Variants in MSR1 observed in about 807,000 individuals in gnomAD.
The protein encoded by MSR1 is macrophage scavenger receptor 1.
A neutral mutation model predicts 47.2 loss-of-function variants in MSR1; 53 were observed. That is an observed-to-expected ratio of 1.12 (90% CI 0.90 to 1.41). The LOEUF is 1.41. Among genes scored for constraint, MSR1 ranks in the 40% most tolerant of loss-of-function variants. The pLI is 0.00. For synonymous variants in MSR1, 239 were observed against 185.6 expected, an observed-to-expected ratio of 1.29 and a Z score of -2.34; for missense variants, 786 against 546.9, an observed-to-expected ratio of 1.44 and a Z score of -4.36.
intron 5 of MSR1, among the ~76,000 whole-genome samples, chr8:16,155,466 G>C (rs901671760): frequency 2.4e-4 from 36 of 152,006 alleles, no homozygotes; most frequent in Non-Finnish European, 4.4e-4. Context: ...CATTAGTGTT[G>C]TACGCATCCT....
rs184987913 is a variant in MSR1 at position 16,115,544 on chromosome 8, T to C, written c.1222+4874A>G. ...ATCCAGTGAAGTAGATCATAAAACT[T>C]ACTTTTCAAATCATTTTCTTCAGAA... On this transcript the variant is annotated intron_variant, in intron 9 of 9. Transcript: ENST00000262101. Among the ~76,000 whole-genome samples, 44 of 152,328 alleles carry C rather than the reference T, an allele frequency of 2.9e-4. 1 individual carries two copies. Among genetic ancestry groups the C allele is most frequent in the Non-Finnish European group, 5.4e-4 (37 of 68,028 alleles).
At chr8:16,166,523 T>G (rs1801315937) in intron 4 of MSR1, among the ~76,000 whole-genome samples, 1 of 151,980 alleles carries the variant, frequency 6.6e-6, no homozygotes, top group African/African-American at 2.4e-5. Context: ...TTTGTCAAAT[T>G]TCAGTGGAAA....
In MSR1 at chr8:16,182,075, G is replaced by C. The variant is rs79538977; in HGVS notation, c.-4-4083C>G. Among the ~76,000 whole-genome samples, 602 of 152,264 alleles carry C rather than the reference G, an allele frequency of 4.0e-3. 25 individuals are homozygous for C. The East Asian group carries it at 0.098, about 25-fold the overall frequency. ...GCTGCTAGGCAACAAACCCACCCCA[G>C]GCTGTGTGGTCTAGCCTATTGCTCC... On this transcript the variant is annotated intron_variant, in intron 1 of 9. Coordinates refer to ENST00000262101, the MANE Select transcript of MSR1 (RefSeq NM_138715.3).
intron 8 of MSR1, chr8:16,139,769 AAAAAAATATATATATATATATAT>A (rs1248148363): frequency 1.9e-4 from 12 of 64,008 alleles, no homozygotes; most frequent in African/African-American, 1.0e-3. Flanking sequence ...AAAAAAAAAA[AAAAAAATATATATATATATATAT>A]ATATATATAT....
intron 1 of MSR1, among the ~76,000 whole-genome samples, chr8:16,187,055 C>A (rs554045350): frequency 6.6e-6 from 1 of 151,898 alleles, no homozygotes; most frequent in Non-Finnish European, 1.5e-5. Context: ...AATGCCTTCT[C>A]GTCTCACTCA....
chr8:16,177,680 T>C (rs923977902), intron 2 of MSR1, among the ~76,000 whole-genome samples: 2 of 152,170 alleles, frequency 1.3e-5, no homozygotes, highest in African/African-American at 4.8e-5. Context: ...GCTCAATCAA[T>C]GTTGTAGATT....
chr8:16,165,751 C>T (rs1801287291), intron 4 of MSR1, among the ~76,000 whole-genome samples: 1 of 152,046 alleles, frequency 6.6e-6, no homozygotes, highest in Non-Finnish European at 1.5e-5. Context: ...AGTGTAGGAC[C>T]TTCGAAAATA....
At chr8:16,115,581 G>A (rs961757766) in intron 9 of MSR1, among the ~76,000 whole-genome samples, 1 of 151,982 alleles carries the variant, frequency 6.6e-6, no homozygotes, top group African/African-American at 2.4e-5. Flanking sequence ...AAATAATGTT[G>A]GTTCTATTTT....
At chr8:16,147,498 T>G (rs548903435) in intron 7 of MSR1, among the ~76,000 whole-genome samples, 1 of 152,292 alleles carries the variant, frequency 6.6e-6, no homozygotes, top group South Asian at 2.1e-4. Flanking sequence ...TAGTCCAGGC[T>G]GTGAAAAAAT....
intron 2 of MSR1, among the ~76,000 whole-genome samples, chr8:16,176,193 A>G (rs775222981): frequency 1.3e-5 from 2 of 152,246 alleles, no homozygotes; most frequent in Non-Finnish European, 1.5e-5. Flanking sequence ...AGAAAATAAG[A>G]GACAGTTTTT....
chr8:16,126,129 C>A (rs1014382042), intron 8 of MSR1, among the ~76,000 whole-genome samples: 2 of 151,802 alleles, frequency 1.3e-5, no homozygotes, highest in Non-Finnish European at 2.9e-5. Flanking sequence ...ATACCTGAAC[C>A]CTGCACAAAT....
At chr8:16,119,163 T>C (rs1418457329) in intron 9 of MSR1, among the ~76,000 whole-genome samples, 1 of 152,140 alleles carries the variant, frequency 6.6e-6, no homozygotes, top group Non-Finnish European at 1.5e-5. Flanking sequence ...AATTAAATTA[T>C]CCTTCTGGGA....
At chr8:16,152,801 A>G (rs1377920626) in intron 6 of MSR1, among the ~76,000 whole-genome samples, 3 of 151,928 alleles carry the variant, frequency 2.0e-5, no homozygotes, top group African/African-American at 7.2e-5. Flanking sequence ...TTATATTACT[A>G]CTTATCATCC....
chr8:16,170,103 A>G (rs969661082), intron 3 of MSR1, among the ~76,000 whole-genome samples: 1 of 152,166 alleles, frequency 6.6e-6, no homozygotes, highest in African/African-American at 2.4e-5. Flanking sequence ...TAATCCCAGC[A>G]CTTTGGGAGG....
chr8:16,179,372 T>C (rs1342514234), intron 1 of MSR1, among the ~76,000 whole-genome samples: 3 of 152,164 alleles, frequency 2.0e-5, no homozygotes, highest in African/African-American at 7.2e-5. Flanking sequence ...TTTAAATCCA[T>C]TAGAGAACAT....
At chr8:16,128,516 A>C (rs1282872548) in intron 8 of MSR1, among the ~76,000 whole-genome samples, 3 of 152,124 alleles carry the variant, frequency 2.0e-5, no homozygotes, top group Non-Finnish European at 4.4e-5. Context: ...CAGCTTGATC[A>C]TGGGCTTTTA....
chr8:16,166,109 C>A (rs754331), intron 4 of MSR1, among the ~76,000 whole-genome samples: 1 of 150,104 alleles, frequency 6.7e-6, no homozygotes, highest in Admixed American at 6.6e-5. Flanking sequence ...TTCCTAGAAA[C>A]GAGGAATCAT....
chr8:16,178,062 A>T, intron 1 of MSR1, 70 bp from the exon 2 acceptor site: 3 of 1,231,830 alleles, frequency 2.4e-6, no homozygotes, highest in Non-Finnish European at 3.5e-6. Context: ...ATAATGTTTT[A>T]AACTGAAATT....
intron 3 of MSR1, among the ~76,000 whole-genome samples, chr8:16,170,304 C>T (rs905424779): frequency 1.3e-4 from 20 of 151,474 alleles, no homozygotes; most frequent in African/African-American, 2.7e-4. Context: ...GCCGAGATCA[C>T]GCCACTGCAC....
Sources: gnomAD v4.1 joint callset for allele counts (sites outside exome capture counted in the v4.1 genomes callset) on GRCh38, gnomAD v4.1.1 for gene constraint, MANE v1.5 for transcripts, NCBI Gene and HGNC (gene_info 2026-07-23, HGNC 2026-07-21) for gene names.